Variants in RBM41 observed in about 807,000 individuals in gnomAD.
The protein encoded by RBM41 is RNA binding motif protein 41.
A neutral mutation model predicts 30.8 loss-of-function variants in RBM41; 14 were observed. The observed-to-expected ratio is 0.45, with a 90% CI of 0.30 to 0.71. RBM41 has a LOEUF of 0.71. Ranked by LOEUF, RBM41 falls within the 30% of genes least tolerant of loss-of-function variation. The pLI is 0.08. For missense variants in RBM41, 276 were observed against 326.3 expected, an observed-to-expected ratio of 0.85 and a Z score of 1.19; for synonymous variants, 120 against 110.1, an observed-to-expected ratio of 1.09 and a Z score of -0.56.
chrX:107,114,547 T>A (rs1924744901), intron 4 of RBM41: 1 of 111,701 alleles, frequency 9.0e-6, no homozygotes, highest in Non-Finnish European at 1.9e-5. Flanking sequence ...TTACCTCTCT[T>A]TTCTAAAGAA....
intron 5 of RBM41, among the ~76,000 whole-genome samples, chrX:107,112,302 A>G (rs185253550): frequency 6.2e-4 from 69 of 111,853 alleles, no homozygotes; most frequent in African/African-American, 2.2e-3. Flanking sequence ...ATCATTAGCC[A>G]TTAAAGAAAT....
chrX:107,096,394 T>A (rs1034295133), intron 5 of RBM41, among the ~76,000 whole-genome samples: 4 of 112,203 alleles, frequency 3.6e-5, no homozygotes, highest in Non-Finnish European at 5.6e-5. Flanking sequence ...TAAAAAGATT[T>A]AGAGTATAAG....
intron 6 of RBM41, among the ~76,000 whole-genome samples, chrX:107,071,159 T>TA (rs1247803923): frequency 1.5e-5 from 1 of 67,181 alleles, no homozygotes; most frequent in Non-Finnish European, 3.0e-5. Flanking sequence ...CCTATACCTA[T>TA]AAAAGATAAA....
chrX:107,082,315 T>C (rs779025655), intron 6 of RBM41, among the ~76,000 whole-genome samples: 63 of 112,126 alleles, frequency 5.6e-4, no homozygotes, highest in Non-Finnish European at 1.0e-3. Context: ...ATTATATTAA[T>C]TGAATTTCAA....
At chrX:107,095,806 A>G (rs763494572) in intron 5 of RBM41, among the ~76,000 whole-genome samples, 1 of 110,545 alleles carries the variant, frequency 9.0e-6, no homozygotes, top group African/African-American at 3.3e-5. Context: ...TGAGGCCAGG[A>G]GTTTGAGACC....
At chrX:107,083,310 G>A (rs2147934518) in intron 6 of RBM41, among the ~76,000 whole-genome samples, 2 of 111,003 alleles carry the variant, frequency 1.8e-5, no homozygotes, top group Admixed American at 1.9e-4. Flanking sequence ...TAGGTAAAGT[G>A]TTTATTTTCT....
rs1472871382 is a variant in RBM41, at chrX:107,088,715, G to T, written c.720C>A (p.His240Gln). The change falls in exon 6 of 8, where the codon CAC (histidine) becomes CAA (glutamine). Residue 240 changes from histidine (H) to glutamine (Q), a missense_variant. Coordinates refer to ENST00000685964, the MANE Select transcript of RBM41 (RefSeq NM_001324242.2). ...CCACTGATGTAGCTGAGACCAGTGA[G>T]TGGGAAGCAAAGGGTTCACCTCTCA... ...QLMRGEPFAS[H>Q]SLVSATSVGD... The T allele has an allele frequency of 1.7e-5, 20 of 1,211,611 alleles. No individual in the cohort carries two copies. The highest frequency in any genetic ancestry group is 2.1e-5 in the Non-Finnish European group (19 of 895,498).
At chrX:107,093,811 T>C (rs1042117179) in intron 5 of RBM41, among the ~76,000 whole-genome samples, 1 of 111,834 alleles carries the variant, frequency 8.9e-6, no homozygotes, top group African/African-American at 3.2e-5. Flanking sequence ...GCTGGTTCTT[T>C]GAAAAGTTTA....
At chrX:107,077,642 A>G (rs1375346670) in intron 6 of RBM41, among the ~76,000 whole-genome samples, 1 of 109,995 alleles carries the variant, frequency 9.1e-6, no homozygotes, top group Admixed American at 9.7e-5. Context: ...AAGATAAACA[A>G]AGCTGTGAAA....
chrX:107,113,540 C>T, intron 4 of RBM41, 72 bp from the exon 5 acceptor site: 1 of 972,833 alleles, frequency 1.0e-6, no homozygotes. Flanking sequence ...CACCCTCCAC[C>T]CCAAATACCA....
chrX:107,090,231 G>T (rs898276342), intron 5 of RBM41, among the ~76,000 whole-genome samples: 2 of 110,535 alleles, frequency 1.8e-5, no homozygotes, highest in Admixed American at 9.6e-5. Flanking sequence ...AAAATTAGCC[G>T]GGCATGGTGG....
chrX:107,090,862 T>C (rs982474340), intron 5 of RBM41, among the ~76,000 whole-genome samples: 2 of 110,921 alleles, frequency 1.8e-5, no homozygotes, highest in Admixed American at 9.6e-5. Context: ...TACATAGGTA[T>C]ACATGTGCCA....
At chrX:107,102,211 A>G (rs999131587) in intron 5 of RBM41, among the ~76,000 whole-genome samples, 25 of 111,854 alleles carry the variant, frequency 2.2e-4, no homozygotes, top group African/African-American at 8.1e-4. Flanking sequence ...TGTTGGGCAA[A>G]AAGTTTAACT....
rs4826949 is a variant in RBM41, at chrX:107,065,063, G to C, written c.*2464C>G. ...CATTTTTTTAAGTCTATTTTGTCTG[G>C]TATTAGAATAGCCACTCCAGCTTTC... On this transcript the variant is annotated 3_prime_UTR_variant, in exon 8 of 8. Transcript: ENST00000685964. The C allele has an allele frequency of 3.6e-5, 4 of 110,371 alleles. No individual in the cohort carries two copies. Among genetic ancestry groups the C allele is most frequent in the Non-Finnish European group, 7.6e-5 (4 of 52,711 alleles). 9.1% of individuals were successfully genotyped at this position (110,371 alleles called of 1,213,427 possible).
At chrX:107,081,611 T>C (rs1438907178) in intron 6 of RBM41, among the ~76,000 whole-genome samples, 1 of 112,429 alleles carries the variant, frequency 8.9e-6, no homozygotes, top group Non-Finnish European at 1.9e-5. Context: ...AGAACTGATA[T>C]CTTAACAATA....
chrX:107,114,615 A>G (rs1220197802), intron 4 of RBM41: 1 of 110,694 alleles, frequency 9.0e-6, no homozygotes, highest in African/African-American at 3.3e-5. Context: ...TTCTTCAATC[A>G]CACCAATACA....
intron 6 of RBM41, among the ~76,000 whole-genome samples, chrX:107,080,330 G>C (rs375815111): frequency 1.8e-5 from 2 of 109,705 alleles, no homozygotes; most frequent in East Asian, 5.7e-4. Context: ...TGTAATCCCA[G>C]CACTATGGGA....
At chrX:107,093,088 C>T (rs1378363759) in intron 5 of RBM41, among the ~76,000 whole-genome samples, 3 of 111,438 alleles carry the variant, frequency 2.7e-5, no homozygotes, top group Non-Finnish European at 5.7e-5. Context: ...AATAAATACA[C>T]TAAAAAATAA....
chrX:107,078,106 C>A (rs1338256387), intron 6 of RBM41, among the ~76,000 whole-genome samples: 1 of 111,589 alleles, frequency 9.0e-6, no homozygotes, highest in African/African-American at 3.3e-5. Flanking sequence ...GAAAACCACA[C>A]AGGAGAAGTA....
Sources: gnomAD v4.1 joint callset for allele counts (sites outside exome capture counted in the v4.1 genomes callset) on GRCh38, gnomAD v4.1.1 for gene constraint, MANE v1.5 for transcripts, NCBI Gene and HGNC (gene_info 2026-07-23, HGNC 2026-07-21) for gene names.